The following COL4A5 variants were observed in gnomAD, a reference collection of about 807,000 sequenced individuals.
The protein encoded by COL4A5 is collagen type IV alpha 5 chain.
In COL4A5, 26 loss-of-function variants were observed where a neutral mutation model predicts 130.2. The observed-to-expected ratio is 0.20, with a 90% CI of 0.15 to 0.28. The LOEUF (loss-of-function observed/expected upper bound fraction) is 0.28, where lower values mean the gene tolerates loss of function less well. Among genes scored for constraint, COL4A5 ranks in the 10% least tolerant of loss-of-function variants. COL4A5 has a pLI of 1.00. For missense variants in COL4A5, 1,131 were observed against 1,344.3 expected (o/e 0.84, Z 2.48); for synonymous variants, 496 against 439.6 (o/e 1.13, Z -1.60).
At chrX:108,595,425 T>C in intron 21 of COL4A5, 84 bp from the exon 22 acceptor site, 3 of 809,536 alleles carry the variant, frequency 3.7e-6, no homozygotes, top group Non-Finnish European at 5.7e-6. Flanking sequence ...TGCTGTCCCT[T>C]AGTGCTAACA....
At chrX:108,501,975 T>C (rs1185618461) in intron 1 of COL4A5, among the ~76,000 whole-genome samples, 1 of 112,422 alleles carries the variant, frequency 8.9e-6, no homozygotes, top group Non-Finnish European at 1.9e-5. Context: ...GCTTTTCTTT[T>C]TTTCTTTTAA....
intron 36 of COL4A5, among the ~76,000 whole-genome samples, chrX:108,644,095 C>T (rs1363633785): frequency 8.9e-6 from 1 of 112,050 alleles, no homozygotes; most frequent in Non-Finnish European, 1.9e-5. Flanking sequence ...ATTGTTCTAT[C>T]AGACAAAATA....
chrX:108,479,516 G>A (rs945268162), intron 1 of COL4A5, among the ~76,000 whole-genome samples: 2 of 111,848 alleles, frequency 1.8e-5, no homozygotes, highest in African/African-American at 3.3e-5. Flanking sequence ...CCTGCATATC[G>A]TGCAGAACGA....
At chrX:108,566,070 A>G (rs891386686) in intron 4 of COL4A5, among the ~76,000 whole-genome samples, 38 of 106,144 alleles carry the variant, frequency 3.6e-4, no homozygotes, top group Non-Finnish European at 2.1e-4. Flanking sequence ...TTTCCCTGTC[A>G]ACTTTGACTA....
chrX:108,473,635 T>A (rs747431416), intron 1 of COL4A5, among the ~76,000 whole-genome samples: 1,096 of 16,983 alleles, frequency 0.065, 31 homozygotes, highest in Non-Finnish European at 0.091. Flanking sequence ...ATATATATAT[T>A]TTTTTTTTTT....
intron 1 of COL4A5, among the ~76,000 whole-genome samples, chrX:108,539,050 A>G (rs2065496183): frequency 9.0e-6 from 1 of 111,688 alleles, no homozygotes; most frequent in East Asian, 2.8e-4. Flanking sequence ...AGATAGTGTT[A>G]TATATTTTAT....
chrX:108,556,476 A>G (rs746796670), intron 2 of COL4A5, among the ~76,000 whole-genome samples: 1 of 108,577 alleles, frequency 9.2e-6, no homozygotes, highest in African/African-American at 3.6e-5. Flanking sequence ...CCAGTGTAAT[A>G]CCAGTATTTA....
chrX:108,494,660 T>C (rs1458526568), intron 1 of COL4A5, among the ~76,000 whole-genome samples: 3 of 111,207 alleles, frequency 2.7e-5, no homozygotes, highest in Non-Finnish European at 5.7e-5. Flanking sequence ...ATGATCGTTT[T>C]TCTAAGTGAA....
At chrX:108,487,002 A>G (rs932874244) in intron 1 of COL4A5, among the ~76,000 whole-genome samples, 2 of 112,109 alleles carry the variant, frequency 1.8e-5, no homozygotes, top group African/African-American at 6.5e-5. Flanking sequence ...GGATTGCTGG[A>G]AAGAATGGTA....
Position 108,578,354 on chromosome X carries a change from A to G in COL4A5, c.751A>G (p.Ile251Val), listed in dbSNP as rs780301485. ...GCAGATCAGTGAACAGAAAAGACCA[A>G]TTGATGTAGAGTTTCAGAAAGGAGA... The part of the protein sequence containing the change: ...PGQISEQKRP[I>V]DVEFQKGDQG... Residue 251 changes from isoleucine (I) to valine (V), a missense_variant, in exon 13 of 53, where the codon ATT becomes GTT. Transcript: ENST00000328300. 9 of 1,208,943 alleles carry G rather than the reference A, an allele frequency of 7.4e-6. No homozygotes were observed. The South Asian group carries it at 8.8e-5, about 12-fold the overall frequency.
chrX:108,607,187 C>T lies in COL4A5; in HGVS notation c.2395+295C>T, dbSNP rs1035834104. Among the ~76,000 whole-genome samples, 1 of 109,240 alleles carries T rather than the reference C, an allele frequency of 9.2e-6. No individual in the cohort carries two copies. Among genetic ancestry groups the T allele is most frequent in the Non-Finnish European group, 1.9e-5 (1 of 52,419 alleles). 94.9% of individuals were successfully genotyped at this position (109,240 alleles called of 115,157 possible). ...TTCAAGACCATCCTGGCCAACATGG[C>T]GAAACCCCGTCTCTACCAAAAATAG... On this transcript the variant is annotated intron_variant, in intron 29 of 52. Transcript: ENST00000328300.
At chrX:108,641,258 C>T (rs1465524641) in intron 36 of COL4A5, among the ~76,000 whole-genome samples, 2 of 111,791 alleles carry the variant, frequency 1.8e-5, no homozygotes, top group East Asian at 5.6e-4. Flanking sequence ...TGTATTTCTG[C>T]ACAGAAACTT....
Position 108,601,898 on chromosome X carries a change from T to C in COL4A5, c.2055T>C (p.Leu685=), listed in dbSNP as rs7884085. 27,741 of 1,152,504 alleles carry C rather than the reference T, an allele frequency of 0.024. 2,670 individuals are homozygous for C. The African/African-American group carries it at 0.34, about 14-fold the overall frequency. The allele number at this position is 1,152,504 out of a possible 1,213,427, so 95.0% of individuals were successfully genotyped here. A position where few individuals can be genotyped will look rare whatever the true frequency, so the allele number is the denominator to read the frequency against. The change falls in exon 27 of 53, where the codon CTT becomes CTC. Residue 685 remains leucine, a synonymous_variant. Transcript: ENST00000328300. ...GTTTCTCCATAGGTGACCCTGGACT[T>C]CCAGGGCAACCAGGCTTGCCAGGGA... is the stretch of plus-strand genomic sequence containing the variant. The part of the protein sequence containing the change: ...GDVGLPGDPG[L]PGQPGLPGIP...
intron 1 of COL4A5, among the ~76,000 whole-genome samples, chrX:108,496,374 A>G (rs1284609813): frequency 8.9e-6 from 1 of 111,860 alleles, no homozygotes; most frequent in Non-Finnish European, 1.9e-5. Context: ...GATCTTCTCA[A>G]TATCATTCTC....
At position 108,599,301 on chromosome X, in the gene COL4A5, C is replaced by T. The variant is rs76425439; in HGVS notation, c.1948+431C>T. 8.3e-4 allele frequency among the ~76,000 whole-genome samples: 93 copies of T among 111,679 alleles called. No homozygotes were observed. The East Asian group carries it at 0.021, about 25-fold the overall frequency. ...TTCCATTACCCCTCTGTTTTATGAC[C>T]TCTGTATGCATTTTTAAACAGAGTA... On this transcript the variant is annotated intron_variant, in intron 25 of 52. Transcript: ENST00000328300.
chrX:108,455,456 A>G (rs1242913730), intron 1 of COL4A5, among the ~76,000 whole-genome samples: 2 of 112,250 alleles, frequency 1.8e-5, no homozygotes, highest in Non-Finnish European at 3.8e-5. Context: ...TGAACAGCTC[A>G]ATTATTACTT....
intron 10 of COL4A5, among the ~76,000 whole-genome samples, chrX:108,576,242 A>C (rs936729230): frequency 1.8e-5 from 2 of 112,061 alleles, no homozygotes; most frequent in Non-Finnish European, 3.8e-5. Flanking sequence ...TCAGTGTTGA[A>C]GTCAATTCTG....
chrX:108,473,631 A>ATTTT (rs1406126217), intron 1 of COL4A5, among the ~76,000 whole-genome samples: 2 of 26,476 alleles, frequency 7.6e-5, no homozygotes, highest in Non-Finnish European at 1.9e-4. Flanking sequence ...ATATATATAT[A>ATTTT]TATTTTTTTT....
intron 1 of COL4A5, among the ~76,000 whole-genome samples, chrX:108,521,113 G>T (rs1211239510): frequency 8.9e-6 from 1 of 111,834 alleles, no homozygotes; most frequent in Admixed American, 9.5e-5. Flanking sequence ...ACATAAACAT[G>T]ACATAATTAT....
Sources: gnomAD v4.1 joint callset for allele counts (sites outside exome capture counted in the v4.1 genomes callset) on GRCh38, gnomAD v4.1.1 for gene constraint, MANE v1.5 for transcripts, NCBI Gene and HGNC (gene_info 2026-07-23, HGNC 2026-07-21) for gene names.